The following LYST variants were observed in gnomAD, a reference collection of about 807,000 sequenced individuals.
LYST encodes lysosomal trafficking regulator.
A neutral mutation model predicts 413.6 loss-of-function variants in LYST; 192 were observed. The ratio of observed to expected loss-of-function variants is 0.46; its 90% CI spans 0.41 to 0.52. The LOEUF is 0.52. Ranked by LOEUF, LYST falls within the 20% of genes least tolerant of loss-of-function variation. The pLI is 0.00. For synonymous variants in LYST, 1,525 were observed against 1,567.3 expected, an observed-to-expected ratio of 0.97 and a Z score of 0.64; for missense variants, 3,815 against 4,499.9, an observed-to-expected ratio of 0.85 and a Z score of 4.35.
chr1:235,848,170 T>C (rs1678093450), intron 1 of LYST, among the ~76,000 whole-genome samples: 1 of 152,102 alleles, frequency 6.6e-6, no homozygotes, highest in African/African-American at 2.4e-5. Context: ...AAACTGAAAT[T>C]ATATCAAGCA....
upstream of LYST, among the ~76,000 whole-genome samples, chr1:235,871,448 A>C (rs1024240599): frequency 2.2e-4 from 34 of 152,226 alleles, no homozygotes; most frequent in Admixed American, 1.8e-3. Context: ...AAAGACCCAG[A>C]ATTTATGGAA....
intron 50 of LYST, among the ~76,000 whole-genome samples, chr1:235,673,841 T>C (rs1286608004): frequency 1.3e-5 from 2 of 152,192 alleles, no homozygotes; most frequent in Admixed American, 6.5e-5. Flanking sequence ...TAAAACAAAC[T>C]TTAGCCATAA....
At position 235,830,411 on chromosome 1, in the gene LYST, T is replaced by C; in HGVS notation, c.7A>G (p.Thr3Ala). 1 of 1,611,562 alleles carries C rather than the reference T, an allele frequency of 6.2e-7. No individual in the cohort carries two copies. The highest frequency in any genetic ancestry group is 8.5e-7 in the Non-Finnish European group (1 of 1,178,418). The change falls in exon 3 of 53, where the codon ACC becomes GCC. Residue 3 changes from threonine to alanine, a missense_variant. Coordinates refer to ENST00000389793, the MANE Select transcript of LYST (RefSeq NM_000081.4). Reference protein sequence around the residue: MSTDSNSLAREFL... With the variant: MSADSNSLAREFL... Reference sequence around the variant, plus strand: ...TCACGTGCCAGTGAGTTACTGTCGGTGCTCATGACCGAGCTATAAAATAAG... The same window carrying C: ...TCACGTGCCAGTGAGTTACTGTCGGCGCTCATGACCGAGCTATAAAATAAG...
Position 235,715,248 on chromosome 1 carries a change from A to T in LYST, c.9737T>A (p.Phe3246Tyr). 1 of 1,614,074 alleles carries T rather than the reference A, an allele frequency of 6.2e-7. No homozygotes were observed. The highest frequency in any genetic ancestry group is 8.5e-7 in the Non-Finnish European group (1 of 1,179,966). ...HYSNSGTVLH[F>Y]LVRMPPFTKM... is the part of the protein sequence containing the mutation. ...AGTGAAAGGAGGCATCCTGACCAGG[A>T]AGTGAAGCACAGTGCCGCTATTGGA... Residue 3246 changes from phenylalanine to tyrosine, a missense_variant, in exon 42 of 53, where the codon TTC becomes TAC. Around this residue, in one of 4 missense-constraint regions of LYST, gnomAD observed 866 missense variants for 1,156.0 expected, o/e 0.75. Transcript: ENST00000389793.
chr1:235,723,286 A>C (rs1008987815), intron 39 of LYST, among the ~76,000 whole-genome samples: 1 of 152,184 alleles, frequency 6.6e-6, no homozygotes, highest in Non-Finnish European at 1.5e-5. Context: ...GGGAGTTACA[A>C]TATGTGAGTG....
At chr1:235,837,641 G>T (rs932440789) in intron 1 of LYST, among the ~76,000 whole-genome samples, 6 of 142,928 alleles carry the variant, frequency 4.2e-5, no homozygotes, top group African/African-American at 1.6e-4. Flanking sequence ...AAAAAAAAAA[G>T]AATTCTGAGA....
chr1:235,720,627 A>T (rs1663280670), intron 40 of LYST, 34 bp downstream of exon 40: 3 of 1,607,394 alleles, frequency 1.9e-6, no homozygotes, highest in African/African-American at 2.7e-5. Flanking sequence ...ATATGGATGG[A>T]TGAACCCTAA....
chr1:235,838,082 T>C (rs189002463), intron 1 of LYST, among the ~76,000 whole-genome samples: 1 of 152,204 alleles, frequency 6.6e-6, no homozygotes, highest in East Asian at 1.9e-4. Flanking sequence ...CGAGTATAGA[T>C]GTAGGAAGAT....
intron 1 of LYST, among the ~76,000 whole-genome samples, chr1:235,876,427 A>G (rs1681139787): frequency 6.6e-6 from 1 of 152,100 alleles, no homozygotes; most frequent in African/African-American, 2.4e-5. Flanking sequence ...CTGCATTTTG[A>G]CTTTTTGTGT....
chr1:235,862,014 T>C (rs1015765328), intron 1 of LYST, among the ~76,000 whole-genome samples: 1 of 152,190 alleles, frequency 6.6e-6, no homozygotes, highest in Non-Finnish European at 1.5e-5. Context: ...GAGTTCCTCC[T>C]GCACTAGGGA....
At chr1:235,843,967 G>A (rs945565613) in intron 1 of LYST, among the ~76,000 whole-genome samples, 1 of 152,136 alleles carries the variant, frequency 6.6e-6, no homozygotes, top group Non-Finnish European at 1.5e-5. Context: ...GTTGCCATTG[G>A]AAAGACTTTT....
At chr1:235,702,636 T>A in intron 45 of LYST, 111 bp downstream of exon 45, 1 of 896,668 alleles carries the variant, frequency 1.1e-6, no homozygotes, top group Admixed American at 1.8e-5. Flanking sequence ...TTGCACTGAC[T>A]GGCACACAGC....
At chr1:235,802,764 G>C in intron 8 of LYST, 144 bp downstream of exon 8, 1 of 740,460 alleles carries the variant, frequency 1.4e-6, no homozygotes, top group African/African-American at 1.7e-5. Flanking sequence ...CCAGACTGTT[G>C]GGAAGATCAA....
At chr1:235,779,833 T>C (rs1193395119) in intron 16 of LYST, among the ~76,000 whole-genome samples, 1 of 151,972 alleles carries the variant, frequency 6.6e-6, no homozygotes, top group Non-Finnish European at 1.5e-5. Context: ...AAAACAGTAG[T>C]CTCCTTCAAG....
chr1:235,816,965 C>T (rs975525776), intron 3 of LYST, among the ~76,000 whole-genome samples: 1 of 152,082 alleles, frequency 6.6e-6, no homozygotes, highest in Non-Finnish European at 1.5e-5. Flanking sequence ...ATTTGCAAAC[C>T]ATGTATCTGA....
Position 235,828,855 on chromosome 1 carries a change from T to G in LYST, c.192+1371A>C, listed in dbSNP as rs1002691714. The G allele has an allele frequency of 5.4e-6, 4 of 741,774 alleles. No homozygotes were observed. The African/African-American group carries it at 7.6e-5, about 14-fold the overall frequency. 45.9% of individuals were successfully genotyped at this position (741,774 alleles called of 1,614,324 possible). ...TTTACAGAAAAGTCATACAAATATATAAAAATTATATTTAATCACTCATTT... is the reference window on the plus strand; with the variant it reads ...TTTACAGAAAAGTCATACAAATATAGAAAAATTATATTTAATCACTCATTT... On this transcript the variant is annotated intron_variant, in intron 3 of 52. Transcript: ENST00000389793.
At chr1:235,853,270 A>G (rs1199809204) in intron 1 of LYST, among the ~76,000 whole-genome samples, 1 of 152,202 alleles carries the variant, frequency 6.6e-6, no homozygotes, top group Non-Finnish European at 1.5e-5. Context: ...TTCAGCTCTA[A>G]AGAGCATCAG....
intron 1 of LYST, 139 bp downstream of exon 1, chr1:235,866,704 C>G (rs1680572820): frequency 6.7e-6 from 1 of 149,810 alleles, no homozygotes; most frequent in South Asian, 2.1e-4. Flanking sequence ...CGCGCCCTCG[C>G]GCCCTCAGCC....
At chr1:235,669,023 G>A (rs987934000) in intron 50 of LYST, among the ~76,000 whole-genome samples, 1 of 152,190 alleles carries the variant, frequency 6.6e-6, no homozygotes, top group Non-Finnish European at 1.5e-5. Context: ...TGAATGTTTT[G>A]TAGAAACAAC....
Sources: gnomAD v4.1 joint callset for allele counts (sites outside exome capture counted in the v4.1 genomes callset) on GRCh38, gnomAD v4.1.1 for gene constraint, gnomAD v4.1.1 regional missense constraint, MANE v1.5 for transcripts, NCBI Gene and HGNC (gene_info 2026-07-23, HGNC 2026-07-21) for gene names.